The following COL17A1 variants were observed in gnomAD, a reference collection of about 807,000 sequenced individuals.
COL17A1 encodes the protein collagen alpha-1(XVII) chain.
A neutral mutation model predicts 218.4 loss-of-function variants in COL17A1; 181 were observed. The observed-to-expected ratio is 0.83, with a 90% CI of 0.73 to 0.94. The LOEUF (loss-of-function observed/expected upper bound fraction) is 0.94. Among genes scored for constraint, COL17A1 ranks in the 40% least tolerant of loss-of-function variants. The probability of loss-of-function intolerance (pLI) is 0.00; values close to 1 mark genes in which losing one functional copy is unlikely to be tolerated. For synonymous variants in COL17A1, 721 were observed against 731.0 expected (o/e 0.99, Z 0.22); for missense variants, 1,924 against 1,945.9 (o/e 0.99, Z 0.21).
chr10:104,084,071 C>G (rs979428763), intron 1 of COL17A1, among the ~76,000 whole-genome samples: 2 of 152,136 alleles, frequency 1.3e-5, no homozygotes, highest in Non-Finnish European at 2.9e-5. Context: ...CTGTAACACC[C>G]CAGAGATGGG....
rs74154722 is a variant in COL17A1, at chr10:104,040,952, G to T, written c.2701+113C>A. On this transcript the variant is annotated intron_variant, in intron 39 of 55. Coordinates refer to ENST00000648076, the MANE Select transcript of COL17A1 (RefSeq NM_000494.4). ...ATTATATAAACATATCCCCATGGAA[G>T]TCAGGAGCAGGAAGCCTGGTGAGTA... The T allele has an allele frequency of 1.5e-4, 171 of 1,158,066 alleles. No individual in the cohort carries two copies. The African/African-American group carries it at 2.1e-3, about 14-fold the overall frequency. The allele number at this position is 1,158,066 out of a possible 1,614,324, so 71.7% of individuals were successfully genotyped here.
At chr10:104,077,014 T>C (rs1333092235) in intron 4 of COL17A1, among the ~76,000 whole-genome samples, 1 of 152,218 alleles carries the variant, frequency 6.6e-6, no homozygotes, top group East Asian at 1.9e-4. Flanking sequence ...TCGTTAAGTT[T>C]CTTTCGTTGT....
chr10:104,055,359 T>A lies in COL17A1; in HGVS notation c.1717+13A>T. The A allele has an allele frequency of 6.2e-7, 1 of 1,613,522 alleles. No homozygotes were observed. The highest frequency in any genetic ancestry group is 8.5e-7 in the Non-Finnish European group (1 of 1,179,944). ...GAAATGAATCAGAGACAAGGTTCAA[T>A]CCATGGCAATACCTTTAGGGCCAGG... On this transcript the variant is annotated intron_variant, in intron 19 of 55. Transcript: ENST00000648076.
At chr10:104,072,150 C>G (rs1302680513) in intron 7 of COL17A1, 71 bp from the exon 8 acceptor site, 4 of 1,604,716 alleles carry the variant, frequency 2.5e-6, no homozygotes, top group Non-Finnish European at 3.4e-6. Context: ...CACTGAACTC[C>G]TAGCAGCAGA....
rs780065996 is a variant in COL17A1, at chr10:104,055,912, T to G, written c.1557A>C (p.Ile519=). Residue 519 remains isoleucine, a synonymous_variant, in exon 18 of 56, where the codon ATA becomes ATC. Coordinates refer to ENST00000648076, the MANE Select transcript of COL17A1 (RefSeq NM_000494.4). ...ILPYGDSMDR[I]EKDRLQGMAP... ...CCATGCCCTGGAGGCGGTCCTTTTC[T>G]ATTCTATCCATGCTGTCCCCATAGG... 3.2e-5 allele frequency: 51 copies of G among 1,614,086 alleles called. 1 individual carries two copies. In the East Asian group the frequency reaches 6.5e-4, roughly 20 times the overall value.
chr10:104,070,789 T>C (rs1324992229), intron 8 of COL17A1, among the ~76,000 whole-genome samples: 1 of 152,236 alleles, frequency 6.6e-6, no homozygotes, highest in Non-Finnish European at 1.5e-5. Flanking sequence ...ATCTTCTGCG[T>C]CTCACAAGGA....
intron 15 of COL17A1, 118 bp from the exon 16 acceptor site, chr10:104,058,308 G>A: frequency 7.9e-7 from 1 of 1,270,312 alleles, no homozygotes; most frequent in Admixed American, 2.0e-5. Context: ...TCAACGACGT[G>A]CAGGAACATC....
intron 22 of COL17A1, among the ~76,000 whole-genome samples, 172 bp from the exon 23 acceptor site, chr10:104,053,307 G>A (rs1387982334): frequency 6.6e-6 from 1 of 152,056 alleles, no homozygotes; most frequent in Non-Finnish European, 1.5e-5. Flanking sequence ...GTGACCCTTT[G>A]AAAATGTGAG....
intron 15 of COL17A1, 106 bp from the exon 16 acceptor site, chr10:104,058,296 T>G: frequency 6.9e-7 from 1 of 1,447,274 alleles, no homozygotes; most frequent in Non-Finnish European, 9.5e-7. Context: ...ATAAACTTGC[T>G]TTCAACGACG....
At chr10:104,056,698 T>G (rs2086531723) in intron 17 of COL17A1, among the ~76,000 whole-genome samples, 1 of 152,122 alleles carries the variant, frequency 6.6e-6, no homozygotes, top group African/African-American at 2.4e-5. Flanking sequence ...GGCAGCCAGG[T>G]GCTTAGACCA....
intron 1 of COL17A1, among the ~76,000 whole-genome samples, chr10:104,085,442 T>C (rs1044138183): frequency 2.0e-5 from 3 of 152,238 alleles, no homozygotes; most frequent in South Asian, 2.1e-4. Flanking sequence ...CATTTTACAA[T>C]GCTGAAAACA....
chr10:104,076,030 G>A (rs555079122), intron 5 of COL17A1, among the ~76,000 whole-genome samples: 19 of 152,302 alleles, frequency 1.2e-4, no homozygotes, highest in Middle Eastern at 3.4e-3. Flanking sequence ...TTAAGCATTC[G>A]TCAAGGCATT....
intron 33 of COL17A1, among the ~76,000 whole-genome samples, chr10:104,045,409 G>A (rs756048563): frequency 8.5e-5 from 13 of 152,224 alleles, no homozygotes; most frequent in Non-Finnish European, 1.8e-4. Flanking sequence ...CTACATACCA[G>A]GGGGATGAAG....
intron 33 of COL17A1, among the ~76,000 whole-genome samples, chr10:104,044,444 C>T (rs2086389804): frequency 6.6e-6 from 1 of 152,224 alleles, no homozygotes; most frequent in Non-Finnish European, 1.5e-5. Context: ...CATTCCCAAA[C>T]GTATCAACTG....
chr10:104,061,087 G>A, intron 13 of COL17A1, among the ~76,000 whole-genome samples: 1 of 152,216 alleles, frequency 6.6e-6, no homozygotes, highest in East Asian at 1.9e-4. Flanking sequence ...TGAGCTGCAT[G>A]TAACAGGTGA....
At chr10:104,055,244 A>T in intron 19 of COL17A1, 128 bp downstream of exon 19, 1 of 1,524,522 alleles carries the variant, frequency 6.6e-7, no homozygotes, top group Non-Finnish European at 9.1e-7. Flanking sequence ...CTCCCAACAG[A>T]TACCATAAGA....
At position 104,054,969 on chromosome 10, in the gene COL17A1, T is replaced by C; in HGVS notation, c.1744+12A>G. Reference sequence around the variant, plus strand: ...CTAATATTTAAGGTAAAAATGCCCATGTTATAATTACCTTTAGGGCCTGGA... The same window carrying C: ...CTAATATTTAAGGTAAAAATGCCCACGTTATAATTACCTTTAGGGCCTGGA... On this transcript the variant is annotated intron_variant, in intron 20 of 55. Transcript: ENST00000648076. The C allele has an allele frequency of 1.2e-6, 2 of 1,614,164 alleles. No homozygotes were observed. The highest frequency in any genetic ancestry group is 1.7e-6 in the Non-Finnish European group (2 of 1,180,010).
chr10:104,063,882 G>C, intron 10 of COL17A1, 64 bp from the exon 11 acceptor site: 1 of 1,606,752 alleles, frequency 6.2e-7, no homozygotes, highest in Non-Finnish European at 8.5e-7. Context: ...TAGAGATTTG[G>C]ATACCACAGA....
intron 5 of COL17A1, among the ~76,000 whole-genome samples, chr10:104,074,595 A>G (rs1409290690): frequency 6.6e-6 from 1 of 152,146 alleles, no homozygotes; most frequent in Non-Finnish European, 1.5e-5. Flanking sequence ...TGCCCTCAGC[A>G]CCAGGAACCT....
Sources: gnomAD v4.1 joint callset for allele counts (sites outside exome capture counted in the v4.1 genomes callset) on GRCh38, gnomAD v4.1.1 for gene constraint, MANE v1.5 for transcripts, NCBI Gene and HGNC (gene_info 2026-07-23, HGNC 2026-07-21) for gene names.